Variants in ANKRD30BL observed in about 807,000 individuals in gnomAD.
ANKRD30BL encodes putative ankyrin repeat domain-containing protein 30B-like.
A neutral mutation model predicts 18.4 loss-of-function variants in ANKRD30BL; 20 were observed. The ratio of observed to expected loss-of-function variants is 1.09; its 90% CI spans 0.77 to 1.58. The LOEUF (loss-of-function observed/expected upper bound fraction) is 1.58. Among genes scored for constraint, ANKRD30BL ranks in the 40% most tolerant of loss-of-function variants. The pLI, the probability that ANKRD30BL is intolerant of heterozygous loss-of-function variation, is 0.00. For missense variants in ANKRD30BL, 224 were observed against 268.6 expected (o/e 0.83, Z 1.16); for synonymous variants, 72 against 100.9 (o/e 0.71, Z 1.72).
At chr2:132,213,892 T>A (rs1296206818) in intron 1 of ANKRD30BL, among the ~76,000 whole-genome samples, 3 of 152,102 alleles carry the variant, frequency 2.0e-5, no homozygotes, top group Non-Finnish European at 4.4e-5. Context: ...AGTTGAACAT[T>A]TCTTTTGATT....
At chr2:132,242,180 G>A (rs58508988) in intron 1 of ANKRD30BL, among the ~76,000 whole-genome samples, 10,868 of 151,656 alleles carry the variant, frequency 0.072, 1,277 homozygotes, top group African/African-American at 0.25. Flanking sequence ...TGAGGATTTC[G>A]TTGGAAACGG....
At position 132,231,442 on chromosome 2, in the gene ANKRD30BL, T is replaced by C. The variant is rs541633772; in HGVS notation, n.441+26087A>G. Among the ~76,000 whole-genome samples the C allele has an allele frequency of 1.9e-3, 296 of 152,216 alleles. 1 individual carries two copies. Among genetic ancestry groups the C allele is most frequent in the African/African-American group, 6.9e-3 (288 of 41,546 alleles). On this transcript the variant is annotated intron_variant and non_coding_transcript_variant, in intron 1 of 4. Coordinates refer to the ANKRD30BL transcript ENST00000470729. ...ATCTGAGGTGCCAGGTTCATCTCACTAGGGAGTGCTAGACAGTGGGCGCAG... is the reference window on the plus strand; with the variant it reads ...ATCTGAGGTGCCAGGTTCATCTCACCAGGGAGTGCTAGACAGTGGGCGCAG...
At chr2:132,216,342 A>T (rs2104763994) in intron 1 of ANKRD30BL, among the ~76,000 whole-genome samples, 1 of 152,148 alleles carries the variant, frequency 6.6e-6, no homozygotes, top group African/African-American at 2.4e-5. Context: ...CCTACGGTGG[A>T]AAAGGAAATA....
intron 1 of ANKRD30BL, among the ~76,000 whole-genome samples, chr2:132,235,782 C>A (rs1267182285): frequency 1.3e-5 from 2 of 152,080 alleles, no homozygotes; most frequent in Non-Finnish European, 2.9e-5. Flanking sequence ...TTTACAGATT[C>A]AATGCCTTCC....
chr2:132,204,891 G>C (rs1005041824), intron 1 of ANKRD30BL, among the ~76,000 whole-genome samples: 1 of 152,088 alleles, frequency 6.6e-6, no homozygotes, highest in African/African-American at 2.4e-5. Flanking sequence ...AGAATCAGTT[G>C]ACATTTTAAA....
upstream of ANKRD30BL, among the ~76,000 whole-genome samples, chr2:132,165,676 T>G (rs1688176783): frequency 2.0e-5 from 3 of 151,506 alleles, no homozygotes; most frequent in South Asian, 6.3e-4. Context: ...ATCCTTCTAT[T>G]GCACCACTGC....
chr2:132,248,050 T>C (rs62164052), intron 1 of ANKRD30BL, among the ~76,000 whole-genome samples: 1 of 151,916 alleles, frequency 6.6e-6, no homozygotes, highest in African/African-American at 2.4e-5. Context: ...GGAATGGACA[T>C]CACACAAAGA....
At chr2:132,235,409 C>A (rs1164503336) in intron 1 of ANKRD30BL, among the ~76,000 whole-genome samples, 6 of 152,106 alleles carry the variant, frequency 3.9e-5, no homozygotes, top group Non-Finnish European at 8.8e-5. Context: ...TCCCTGTTTG[C>A]AGATGACATG....
chr2:132,172,476 G>A (rs1688299286), intron 1 of ANKRD30BL, among the ~76,000 whole-genome samples: 1 of 152,094 alleles, frequency 6.6e-6, no homozygotes, highest in African/African-American at 2.4e-5. Flanking sequence ...TAATGCTAGT[G>A]ATATTAAGCC....
Position 132,161,391 on chromosome 2 carries a change from C to T in ANKRD30BL, c.218+97G>A, listed in dbSNP as rs940248645. 5.0e-6 allele frequency: 6 copies of T among 1,197,592 alleles called. No individual in the cohort carries two copies. In the African/African-American group the frequency reaches 7.6e-5, roughly 15 times the overall value. 74.2% of individuals were successfully genotyped at this position (1,197,592 alleles called of 1,614,324 possible). A position where few individuals can be genotyped will look rare whatever the true frequency, so the allele number is the denominator to read the frequency against. Reference sequence around the variant, plus strand: ...CTGCCCGCCACTCCTCCACCTGCTCCCCTCGTCCCCAGGACCCCCAGGCCC... The same window carrying T: ...CTGCCCGCCACTCCTCCACCTGCTCTCCTCGTCCCCAGGACCCCCAGGCCC... On this transcript the variant is annotated intron_variant, in intron 1 of 5. Coordinates refer to ENST00000409867, the MANE Select transcript of ANKRD30BL (RefSeq NM_001358416.1).
intron 1 of ANKRD30BL, among the ~76,000 whole-genome samples, chr2:132,240,579 G>A (rs796435849): frequency 6.6e-6 from 1 of 151,842 alleles, no homozygotes; most frequent in Admixed American, 6.6e-5. Context: ...TTTTGATAGA[G>A]CAGAGTTGAA....
At chr2:132,199,539 C>T (rs573079166) in intron 1 of ANKRD30BL, among the ~76,000 whole-genome samples, 37 of 151,446 alleles carry the variant, frequency 2.4e-4, no homozygotes, top group Admixed American at 1.4e-3. Context: ...GACAGTCTCG[C>T]TCTGTGGTCC....
upstream of ANKRD30BL, among the ~76,000 whole-genome samples, chr2:132,164,980 G>A (rs1381091422): frequency 2.0e-5 from 3 of 152,058 alleles, no homozygotes; most frequent in South Asian, 2.1e-4. Flanking sequence ...AGGCTGAGGC[G>A]TGAGAATGGC....
chr2:132,226,769 T>A (rs935477835), intron 1 of ANKRD30BL, among the ~76,000 whole-genome samples: 16 of 152,152 alleles, frequency 1.1e-4, no homozygotes, highest in African/African-American at 3.9e-4. Flanking sequence ...GAGTTGAACC[T>A]TTCTTTTGAT....
At chr2:132,223,920 A>G (rs1679768130) in intron 1 of ANKRD30BL, among the ~76,000 whole-genome samples, 1 of 152,148 alleles carries the variant, frequency 6.6e-6, no homozygotes, top group African/African-American at 2.4e-5. Context: ...CTGCAAGTGG[A>G]TATTTGGAAC....
chr2:132,151,155 GAAGA>G (rs1490180285), intron 4 of ANKRD30BL, among the ~76,000 whole-genome samples, 179 bp from the exon 5 acceptor site: 1 of 152,016 alleles, frequency 6.6e-6, no homozygotes, highest in Non-Finnish European at 1.5e-5. Context: ...TCTAATTAAA[GAAGA>G]AAGAAAGATA....
At chr2:132,228,054 G>A (rs1679894620) in intron 1 of ANKRD30BL, among the ~76,000 whole-genome samples, 3 of 152,154 alleles carry the variant, frequency 2.0e-5, no homozygotes, top group Non-Finnish European at 2.9e-5. Flanking sequence ...GTGGACATTT[G>A]GAGCACTTTT....
intron 1 of ANKRD30BL, among the ~76,000 whole-genome samples, chr2:132,251,932 G>A (rs16849048): frequency 6.6e-6 from 1 of 152,282 alleles, no homozygotes; most frequent in African/African-American, 2.4e-5. Flanking sequence ...TTGTGTGATC[G>A]TTCTCATGGA....
intron 1 of ANKRD30BL, among the ~76,000 whole-genome samples, chr2:132,236,175 C>A (rs113269905): frequency 6.6e-6 from 1 of 151,780 alleles, no homozygotes; most frequent in East Asian, 1.9e-4. Context: ...TTACACCTTA[C>A]ACAAAAATCA....
Sources: gnomAD v4.1 joint callset for allele counts (sites outside exome capture counted in the v4.1 genomes callset) on GRCh38, gnomAD v4.1.1 for gene constraint, MANE v1.5 for transcripts, NCBI Gene and HGNC (gene_info 2026-07-23, HGNC 2026-07-21) for gene names.